CNTROB: variants seen among roughly 807,000 people sequenced by gnomAD.
CNTROB encodes centrobin, centriole duplication and spindle assembly protein.
CNTROB carries 82 observed loss-of-function variants against 115.7 expected under a neutral mutation model. That is an observed-to-expected ratio of 0.71 (90% confidence interval 0.59 to 0.85). CNTROB has a LOEUF of 0.85. CNTROB is among the 40% of genes least tolerant of loss of function. CNTROB has a pLI of 0.00. For missense variants in CNTROB, 1,014 were observed against 1,144.4 expected (o/e 0.89, Z 1.64); for synonymous variants, 439 against 456.4 (o/e 0.96, Z 0.49).
chr17:7,942,781 CAG>C (rs1352398535), intron 9 of CNTROB, among the ~76,000 whole-genome samples: 4 of 132,202 alleles, frequency 3.0e-5, no homozygotes, highest in South Asian at 4.7e-4. Context: ...GTACTCTACT[CAG>C]GGTATTTTTT....
Position 7,943,698 on chromosome 17 carries a change from A to T in CNTROB, c.1445+174A>T. 1.5e-6 allele frequency: 1 copy of T among 655,094 alleles called. No homozygotes were observed. The highest frequency in any genetic ancestry group is 2.5e-6 in the Non-Finnish European group (1 of 397,378). 40.6% of individuals were successfully genotyped at this position (655,094 alleles called of 1,614,324 possible). A position where few individuals can be genotyped will look rare whatever the true frequency, so the allele number is the denominator to read the frequency against. On this transcript the variant is annotated intron_variant, in intron 10 of 18. Transcript: ENST00000563694. The surrounding 1 kb of genome is among the most constrained non-coding windows in gnomAD (Gnocchi z 4.7). Reference sequence around the variant, plus strand: ...TCGGGAGGGCTGCCTTCACGCGTTCATGGAGAGCCAGAAGTGCCTGGGAAT... The same window carrying T: ...TCGGGAGGGCTGCCTTCACGCGTTCTTGGAGAGCCAGAAGTGCCTGGGAAT...
At chr17:7,938,585 A>G (rs1178149401) in intron 7 of CNTROB, among the ~76,000 whole-genome samples, 2 of 152,194 alleles carry the variant, frequency 1.3e-5, no homozygotes, top group Non-Finnish European at 2.9e-5. Flanking sequence ...TAAATGCCTT[A>G]CATATGCTTT....
In CNTROB at chr17:7,949,076, G is replaced by T; in HGVS notation, c.2514-9G>T. On this transcript the variant is annotated splice_polypyrimidine_tract_variant and intron_variant, in intron 17 of 18. Transcript: ENST00000563694. ...ATCCCCATCCTCATACCTTTGATTT[G>T]TGTAGCAGGACTGATGGCCGAGGGG... 2 of 1,614,006 alleles carry T rather than the reference G, an allele frequency of 1.2e-6. No individual in the cohort carries two copies. The highest frequency in any genetic ancestry group is 1.3e-5 in the African/African-American group (1 of 75,010).
At position 7,933,146 on chromosome 17, in the gene CNTROB, G is replaced by C. The variant is rs1972705885; in HGVS notation, c.67G>C (p.Glu23Gln). The C allele has an allele frequency of 6.2e-7, 1 of 1,614,190 alleles. No individual in the cohort carries two copies. Among genetic ancestry groups the C allele is most frequent in the East Asian group, 2.2e-5 (1 of 44,878 alleles). ...GGAGGATCTCCTGAGTGATTCATCA[G>C]AACCCCCTGGGCTCAACCAAGTGTC... ...GAEDLLSDSSEPPGLNQVSSE... is the reference protein window; with the variant it reads ...GAEDLLSDSSQPPGLNQVSSE... The change falls in exon 1 of 19, where the codon GAA becomes CAA. Residue 23 changes from glutamate (E) to glutamine (Q), a missense_variant. Glu to Gln is a conservative substitution (Grantham distance 29, BLOSUM62 2). Coordinates refer to ENST00000563694, the MANE Select transcript of CNTROB (RefSeq NM_053051.5).
At position 7,943,001 on chromosome 17, in the gene CNTROB, C is replaced by T. The variant is rs1567926474; in HGVS notation, c.1312-390C>T. On this transcript the variant is annotated intron_variant, in intron 9 of 18. Transcript: ENST00000563694. The surrounding 1 kb of genome is among the most constrained non-coding windows in gnomAD (Gnocchi z 4.7). ...TATTTTTAGTAGAAACGGGGTTTCA[C>T]CGTGTTAGCCAAGATGGTCTCGATC... Among the ~76,000 whole-genome samples, 1 of 151,134 alleles carries T rather than the reference C, an allele frequency of 6.6e-6. No homozygotes were observed. Among genetic ancestry groups the T allele is most frequent in the Admixed American group, 6.6e-5 (1 of 15,168 alleles).
intron 5 of CNTROB, 83 bp downstream of exon 5, chr17:7,936,565 T>C: frequency 7.5e-6 from 6 of 798,978 alleles, no homozygotes; most frequent in South Asian, 5.4e-5. Context: ...AACCAATGTT[T>C]CTTGGTACAT....
At chr17:7,946,967 T>A (rs1974602280) in intron 13 of CNTROB, among the ~76,000 whole-genome samples, 1 of 152,042 alleles carries the variant, frequency 6.6e-6, no homozygotes, top group Non-Finnish European at 1.5e-5. Context: ...GAGACCATCC[T>A]GGCTAACACA....
chr17:7,934,178 GT>G lies in CNTROB; in HGVS notation c.312del (p.Gln105SerfsTer82), dbSNP rs765507896. ...KHIFEMESVR[G>X]QLQTMLQTSR... ...ATCTTTGAGATGGAAAGTGTTCGGG[GT>G]CAGCTCCAGACCATGCTCCAAACCT... is the stretch of plus-strand genomic sequence containing the variant. On this transcript the variant is annotated frameshift_variant, in exon 2 of 19. Coordinates refer to ENST00000563694, the MANE Select transcript of CNTROB (RefSeq NM_053051.5). LOFTEE classifies it high-confidence loss of function. The G allele has an allele frequency of 7.4e-6, 12 of 1,614,038 alleles. No homozygotes were observed. The highest frequency in any genetic ancestry group is 5.9e-6 in the Non-Finnish European group (7 of 1,180,032).
chr17:7,936,924 C>A, intron 6 of CNTROB, 107 bp downstream of exon 6: 1 of 754,558 alleles, frequency 1.3e-6, no homozygotes, highest in Non-Finnish European at 2.4e-6. Context: ...TGACCTCAGT[C>A]TTGTAGTGGC....
rs1445257488 is a variant in CNTROB at position 7,947,606 on chromosome 17, G to A, written c.2029G>A (p.Asp677Asn). ...CTCTGCACTTGGGGCCTTCCATCCC[G>A]ATCATAGGGCAGAAAGGCCATTCCC... ...AFSALGAFHP[D>N]HRAERPFPEE... is the part of the protein sequence containing the mutation. The change falls in exon 14 of 19, where the codon GAT (aspartate) becomes AAT (asparagine). Residue 677 changes from aspartate (D) to asparagine (N), a missense_variant. By Grantham distance (23) the Asp-to-Asn change is conservative. Coordinates refer to ENST00000563694, the MANE Select transcript of CNTROB (RefSeq NM_053051.5). 3.1e-6 allele frequency: 5 copies of A among 1,612,726 alleles called. No homozygotes were observed. The highest frequency in any genetic ancestry group is 4.5e-5 in the East Asian group (2 of 44,844).
In CNTROB at chr17:7,948,310, G is replaced by T; in HGVS notation, c.2363G>T (p.Ser788Ile). 1 of 1,614,158 alleles carries T rather than the reference G, an allele frequency of 6.2e-7. No homozygotes were observed. The highest frequency in any genetic ancestry group is 8.5e-7 in the Non-Finnish European group (1 of 1,180,020). Residue 788 changes from serine (S) to isoleucine (I), a missense_variant, in exon 16 of 19, where the codon AGT (serine) becomes ATT (isoleucine). By Grantham distance (142) the Ser-to-Ile change is moderately radical (BLOSUM62 -2). Coordinates refer to ENST00000563694, the MANE Select transcript of CNTROB (RefSeq NM_053051.5). This position sits in a 1 kb window ranked among gnomAD's most constrained non-coding sequence, Gnocchi z 4.4. ...SSHSQGSGPS[S>I]GSPERGGDGL... ...CATTCACAAGGCAGTGGTCCCAGCA[G>T]TGGTTCCCCAGAGAGAGGTGAGCAT...
In CNTROB at chr17:7,937,300, G is replaced by A. The variant is rs555144973; in HGVS notation, c.927+38G>A. ...GACTGGGTTAATTCCACTGGAAGCTGTTAATTACTTCTAGAGAGCTGTGGG... is the reference window on the plus strand; with the variant it reads ...GACTGGGTTAATTCCACTGGAAGCTATTAATTACTTCTAGAGAGCTGTGGG... On this transcript the variant is annotated intron_variant, in intron 7 of 18. Coordinates refer to ENST00000563694, the MANE Select transcript of CNTROB (RefSeq NM_053051.5). 53 of 1,610,960 alleles carry A rather than the reference G, an allele frequency of 3.3e-5. No individual in the cohort carries two copies. In the South Asian group the frequency reaches 5.4e-4, roughly 16 times the overall value.
At chr17:7,938,960 G>C (rs1309949614) in intron 7 of CNTROB, among the ~76,000 whole-genome samples, 1 of 152,110 alleles carries the variant, frequency 6.6e-6, no homozygotes, top group Non-Finnish European at 1.5e-5. Flanking sequence ...TATATTTTTA[G>C]TAGAGACATG....
At chr17:7,933,440 A>C in intron 1 of CNTROB, 91 bp downstream of exon 1, 1 of 1,305,208 alleles carries the variant, frequency 7.7e-7, no homozygotes, top group Non-Finnish European at 1.0e-6. Flanking sequence ...CTTTGATGAG[A>C]TTTGAACTCT....
At chr17:7,934,388 A>C in intron 2 of CNTROB, 77 bp from the exon 3 acceptor site, 2 of 1,400,456 alleles carry the variant, frequency 1.4e-6, no homozygotes, top group South Asian at 1.2e-5. Context: ...CTGGAAAGGA[A>C]GGCCTTTTCT....
intron 7 of CNTROB, among the ~76,000 whole-genome samples, chr17:7,938,600 T>C (rs764594135): frequency 6.6e-6 from 1 of 152,204 alleles, no homozygotes; most frequent in Non-Finnish European, 1.5e-5. Context: ...TGCTTTTTAC[T>C]TTAATGCTCA....
chr17:7,937,196 G>A lies in CNTROB; in HGVS notation c.861G>A (p.Glu287=), dbSNP rs763090825. The part of the protein sequence containing the change: ...TVTRLEQSLS[E]AMEALNREQE... ...CCCGCCTGGAACAAAGCCTTTCTGAGGCCATGGAGGCCCTGAATCGTGAGC... is the reference window on the plus strand; with the variant it reads ...CCCGCCTGGAACAAAGCCTTTCTGAAGCCATGGAGGCCCTGAATCGTGAGC... Residue 287 remains glutamate (E), a synonymous_variant, in exon 7 of 19, where the codon GAG becomes GAA. Coordinates refer to ENST00000563694, the MANE Select transcript of CNTROB (RefSeq NM_053051.5). 23 of 1,614,154 alleles carry A rather than the reference G, an allele frequency of 1.4e-5. No individual in the cohort carries two copies. The Middle Eastern group carries it at 8.2e-4, about 58-fold the overall frequency.
chr17:7,935,485 G>C (rs910255362), intron 4 of CNTROB, among the ~76,000 whole-genome samples: 1 of 151,312 alleles, frequency 6.6e-6, no homozygotes, highest in South Asian at 2.1e-4. Context: ...CTGGGCGACA[G>C]AGCGAGACTC....
At position 7,948,390 on chromosome 17, in the gene CNTROB, A is replaced by G; in HGVS notation, c.2380+63A>G. ...ACAGTCCTGAGTGTGGATCCAGTAC[A>G]GGCACTTACAGTCCTTCTGAATTCC... On this transcript the variant is annotated intron_variant, in intron 16 of 18. Transcript: ENST00000563694. This position sits in a 1 kb window ranked among gnomAD's most constrained non-coding sequence, Gnocchi z 4.4. 4 of 1,607,732 alleles carry G rather than the reference A, an allele frequency of 2.5e-6. No homozygotes were observed. In the South Asian group the frequency reaches 3.3e-5, roughly 13 times the overall value.
Sources: allele counts gnomAD v4.1 joint callset (sites outside exome capture counted in the v4.1 genomes callset), GRCh38; gene constraint gnomAD v4.1.1; non-coding constraint Gnocchi (gnomAD v3.1); transcripts MANE v1.5; gene names NCBI Gene and HGNC (gene_info 2026-07-23, HGNC 2026-07-21).